WDR27: variants seen among roughly 807,000 people sequenced by gnomAD.
WDR27 encodes the protein WD repeat domain 27.
A neutral mutation model predicts 114.4 loss-of-function variants in WDR27; 100 were observed. The ratio of observed to expected loss-of-function variants is 0.87; its 90% CI spans 0.74 to 1.03. WDR27 has a LOEUF of 1.03. Among genes scored for constraint, WDR27 ranks in the 50% least tolerant of loss-of-function variants. The pLI is 0.00. For synonymous variants in WDR27, 449 were observed against 423.1 expected (o/e 1.06, Z -0.75); for missense variants, 1,129 against 1,092.9 (o/e 1.03, Z -0.47).
At chr6:169,493,772 TG>T (rs1562491010) in intron 25 of WDR27, among the ~76,000 whole-genome samples, 1 of 152,318 alleles carries the variant, frequency 6.6e-6, no homozygotes, top group East Asian at 1.9e-4. Context: ...GTCATATTTT[TG>T]TATGATTTTC....
chr6:169,673,235 G>A (rs1286484251), intron 2 of WDR27, among the ~76,000 whole-genome samples: 4 of 152,100 alleles, frequency 2.6e-5, no homozygotes, highest in Non-Finnish European at 5.9e-5. Context: ...GGATGGGACT[G>A]GGGGTCCATA....
At chr6:169,512,762 T>C (rs1793069791) in intron 25 of WDR27, among the ~76,000 whole-genome samples, 1 of 152,218 alleles carries the variant, frequency 6.6e-6, no homozygotes, top group Non-Finnish European at 1.5e-5. Context: ...TTTGATTTTG[T>C]ATTAAAAGAA....
At chr6:169,689,140 TCTC>T (rs1783825470) in intron 1 of WDR27, 128 bp from the exon 2 acceptor site, 2 of 542,926 alleles carry the variant, frequency 3.7e-6, no homozygotes, top group East Asian at 6.6e-5. Context: ...TTTATTCACC[TCTC>T]CTCATCCCAA....
At chr6:169,666,572 C>T in intron 6 of WDR27, 1 of 985,516 alleles carries the variant, frequency 1.0e-6, no homozygotes, top group Non-Finnish European at 1.2e-6. Context: ...TGGGGCGTCA[C>T]AGACCGCTCC....
chr6:169,694,672 T>C (rs941081112), intron 1 of WDR27, among the ~76,000 whole-genome samples: 1 of 152,252 alleles, frequency 6.6e-6, no homozygotes, highest in Admixed American at 6.5e-5. Context: ...TAAACAGTTA[T>C]AGCACATGAC....
At chr6:169,460,086 T>C (rs1443500018) in intron 25 of WDR27, among the ~76,000 whole-genome samples, 1 of 152,164 alleles carries the variant, frequency 6.6e-6, no homozygotes, top group African/African-American at 2.4e-5. Flanking sequence ...AGCAACACTG[T>C]ATAACTCCAC....
intron 25 of WDR27, among the ~76,000 whole-genome samples, chr6:169,490,996 C>G (rs1303496311): frequency 6.6e-6 from 1 of 152,172 alleles, no homozygotes; most frequent in Non-Finnish European, 1.5e-5. Context: ...CCACAAAAAA[C>G]AAAGGCAATG....
chr6:169,573,353 T>C (rs1309678689), intron 24 of WDR27, among the ~76,000 whole-genome samples: 1 of 152,236 alleles, frequency 6.6e-6, no homozygotes, highest in Non-Finnish European at 1.5e-5. Context: ...TTTTATATCA[T>C]CTTACATTAA....
intron 2 of WDR27, among the ~76,000 whole-genome samples, chr6:169,683,131 G>A (rs533032887): frequency 6.6e-5 from 10 of 152,184 alleles, no homozygotes; most frequent in African/African-American, 2.4e-4. Flanking sequence ...AAGACGAAGT[G>A]GTAGAAGGTT....
chr6:169,465,117 G>T (rs1785382484), intron 25 of WDR27, among the ~76,000 whole-genome samples: 1 of 152,152 alleles, frequency 6.6e-6, no homozygotes, highest in South Asian at 2.1e-4. Context: ...AATTAGCTGG[G>T]TGTGGGGGCG....
At chr6:169,641,119 AG>A (rs1274980441) in intron 17 of WDR27, among the ~76,000 whole-genome samples, 1 of 152,236 alleles carries the variant, frequency 6.6e-6, no homozygotes, top group African/African-American at 2.4e-5. Context: ...CCTTCTGCTC[AG>A]CCCCGACAAG....
chr6:169,701,869 G>C lies in WDR27; in HGVS notation c.-326C>G, dbSNP rs938219316. The C allele has an allele frequency of 2.1e-5, 7 of 340,602 alleles. No homozygotes were observed. The highest frequency in any genetic ancestry group is 1.6e-4 in the Admixed American group (4 of 24,868). 21.1% of individuals were successfully genotyped at this position (340,602 alleles called of 1,614,324 possible). On this transcript the variant is annotated 5_prime_UTR_variant, in exon 1 of 26. Transcript: ENST00000448612. ...CCTAGGCACACGCCCCAGAGCAGCA[G>C]CTCGGGTTCGGCGCCGACTCCGCGC...
At position 169,658,367 on chromosome 6, in the gene WDR27, G is replaced by A. The variant is rs1449217140; in HGVS notation, c.1320-9C>T. ...TCGGTAGGACACAGGAGCTGAAACA[G>A]AAACAAGCCCCATGAAACTAGGAGC... is the stretch of plus-strand genomic sequence containing the variant. On this transcript the variant is annotated splice_polypyrimidine_tract_variant and intron_variant, in intron 12 of 25. Coordinates refer to ENST00000448612, the MANE Select transcript of WDR27 (RefSeq NM_182552.5). 1 of 1,579,680 alleles carries A rather than the reference G, an allele frequency of 6.3e-7. No homozygotes were observed. Among genetic ancestry groups the A allele is most frequent in the Non-Finnish European group, 8.6e-7 (1 of 1,162,706 alleles).
the WDR27 span, among the ~76,000 whole-genome samples, chr6:169,445,112 T>C: frequency 6.6e-6 from 1 of 152,230 alleles, no homozygotes; most frequent in Non-Finnish European, 1.5e-5. Context: ...CCCAGCCCAC[T>C]GAGCTAAGTA....
chr6:169,606,018 A>G (rs2128175746), intron 22 of WDR27, among the ~76,000 whole-genome samples: 1 of 152,358 alleles, frequency 6.6e-6, no homozygotes, highest in African/African-American at 2.4e-5. Context: ...AAGAAATTCT[A>G]GAAAAAACAC....
chr6:169,698,158 GGTCA>G (rs1786761455), intron 1 of WDR27, among the ~76,000 whole-genome samples: 1 of 152,102 alleles, frequency 6.6e-6, no homozygotes, highest in Non-Finnish European at 1.5e-5. Context: ...AGAATTTCTG[GGTCA>G]GTCTGGCCCC....
At chr6:169,490,120 G>C (rs980138852) in intron 25 of WDR27, among the ~76,000 whole-genome samples, 1 of 152,146 alleles carries the variant, frequency 6.6e-6, no homozygotes, top group Admixed American at 6.5e-5. Context: ...ACCACTAAAG[G>C]GTCCACGGCA....
At chr6:169,440,740 G>A in the WDR27 span, among the ~76,000 whole-genome samples, 2 of 152,124 alleles carry the variant, frequency 1.3e-5, no homozygotes, top group Non-Finnish European at 2.9e-5. Context: ...AAGTCCACCT[G>A]TTGGGTAATT....
intron 25 of WDR27, among the ~76,000 whole-genome samples, chr6:169,514,447 A>C (rs1793353772): frequency 1.3e-5 from 2 of 148,792 alleles, no homozygotes; most frequent in East Asian, 2.0e-4. Context: ...ACTATTGTTA[A>C]TATACCAAAA....
Sources: allele counts gnomAD v4.1 joint callset (sites outside exome capture counted in the v4.1 genomes callset), GRCh38; gene constraint gnomAD v4.1.1; transcripts MANE v1.5; gene names NCBI Gene and HGNC (gene_info 2026-07-23, HGNC 2026-07-21).